PPP1R14C: variants seen among roughly 807,000 people sequenced by gnomAD.
PPP1R14C encodes protein phosphatase 1 regulatory inhibitor subunit 14C, also known as protein phosphatase 1 regulatory subunit 14C.
PPP1R14C carries 16 observed loss-of-function variants against 20.4 expected under a neutral mutation model. The ratio of observed to expected loss-of-function variants is 0.78; its 90% CI spans 0.53 to 1.19. The LOEUF (loss-of-function observed/expected upper bound fraction) is 1.19. Among genes scored for constraint, PPP1R14C ranks in the 50% most tolerant of loss-of-function variants. PPP1R14C has a pLI of 0.00. For synonymous variants in PPP1R14C, 91 were observed against 91.0 expected (o/e 1.00, Z 0.00); for missense variants, 211 against 220.1 (o/e 0.96, Z 0.26).
chr6:150,179,790 C>G (rs1777601322), intron 1 of PPP1R14C, among the ~76,000 whole-genome samples: 1 of 152,230 alleles, frequency 6.6e-6, no homozygotes, highest in Non-Finnish European at 1.5e-5. Flanking sequence ...TGAGTCCCAA[C>G]TCTGCCACAT....
intron 1 of PPP1R14C, among the ~76,000 whole-genome samples, chr6:150,187,245 C>G (rs1006989975): frequency 9.0e-6 from 1 of 110,856 alleles, no homozygotes; most frequent in Non-Finnish European, 1.9e-5. Context: ...CTTTCTCTTT[C>G]TCTGTGTGTG....
At chr6:150,195,097 G>T in intron 1 of PPP1R14C, 4 of 983,298 alleles carry the variant, frequency 4.1e-6, no homozygotes, top group Non-Finnish European at 4.8e-6. Flanking sequence ...TCAAGAGGAG[G>T]TTACTCATGC....
At chr6:150,243,472 C>T (rs1385577335) in intron 3 of PPP1R14C, among the ~76,000 whole-genome samples, 1 of 152,148 alleles carries the variant, frequency 6.6e-6, no homozygotes, top group African/African-American at 2.4e-5. Flanking sequence ...GCCACGGCAC[C>T]CAGCCCTAAA....
intron 1 of PPP1R14C, among the ~76,000 whole-genome samples, chr6:150,161,541 G>A (rs775689006): frequency 2.0e-5 from 3 of 152,018 alleles, no homozygotes; most frequent in Non-Finnish European, 4.4e-5. Context: ...CCCTTTCTTT[G>A]CCTGTCTTTA....
chr6:150,186,976 T>TA (rs762758810), intron 1 of PPP1R14C, among the ~76,000 whole-genome samples: 2 of 151,672 alleles, frequency 1.3e-5, no homozygotes, highest in Non-Finnish European at 2.9e-5. Flanking sequence ...ATGCTTGACT[T>TA]AGTCTTTTTT....
chr6:150,224,373 T>C (rs1778205568), intron 3 of PPP1R14C, among the ~76,000 whole-genome samples: 1 of 152,236 alleles, frequency 6.6e-6, no homozygotes, highest in African/African-American at 2.4e-5. Flanking sequence ...TTATTGATTT[T>C]ATCCACAGAA....
intron 3 of PPP1R14C, among the ~76,000 whole-genome samples, chr6:150,227,601 C>G (rs1309359127): frequency 6.6e-6 from 1 of 152,186 alleles, no homozygotes; most frequent in Non-Finnish European, 1.5e-5. Flanking sequence ...CCCTTTTCAT[C>G]TGGCTGTCAT....
At chr6:150,212,721 T>C (rs1778042596) in intron 1 of PPP1R14C, among the ~76,000 whole-genome samples, 1 of 152,210 alleles carries the variant, frequency 6.6e-6, no homozygotes, top group African/African-American at 2.4e-5. Context: ...AGTGGTCCCA[T>C]AAGATTATAA....
At chr6:150,234,848 CAAAAAAAAAAAAAAAA>C (rs56139981) in intron 3 of PPP1R14C, among the ~76,000 whole-genome samples, 2 of 41,832 alleles carry the variant, frequency 4.8e-5, no homozygotes, top group Non-Finnish European at 8.1e-5. Context: ...GACTCTGTCT[CAAAAAAAAAAAAAAAA>C]AAAAAAAAAA....
chr6:150,245,587 C>G (rs1444651723), intron 3 of PPP1R14C, among the ~76,000 whole-genome samples: 2 of 152,192 alleles, frequency 1.3e-5, no homozygotes, highest in Non-Finnish European at 2.9e-5. Context: ...TCTGTTAATT[C>G]GTCTTAACTC....
intron 3 of PPP1R14C, among the ~76,000 whole-genome samples, chr6:150,240,545 A>T (rs1489456732): frequency 6.6e-6 from 1 of 152,202 alleles, no homozygotes; most frequent in Non-Finnish European, 1.5e-5. Flanking sequence ...GATTGGTTGC[A>T]GAAGGTGACC....
chr6:150,144,034 A>G (rs1159759479), intron 1 of PPP1R14C, among the ~76,000 whole-genome samples: 2 of 152,232 alleles, frequency 1.3e-5, no homozygotes, highest in Non-Finnish European at 2.9e-5. Flanking sequence ...GAAAATCCTG[A>G]GATGGAACGC....
At chr6:150,221,505 T>C (rs1223912944) in intron 3 of PPP1R14C, among the ~76,000 whole-genome samples, 1 of 152,216 alleles carries the variant, frequency 6.6e-6, no homozygotes, top group Admixed American at 6.5e-5. Flanking sequence ...ATCAAAATTA[T>C]TTTACTTAAA....
Position 150,201,844 on chromosome 6 carries a change from T to C in PPP1R14C, c.307-12900T>C, listed in dbSNP as rs1445469795. Among the ~76,000 whole-genome samples the C allele has an allele frequency of 1.3e-5, 2 of 152,050 alleles. No individual in the cohort carries two copies. The highest frequency in any genetic ancestry group is 1.3e-4 in the Admixed American group (2 of 15,274). ...CGGTAAGCCATAGAATTGACAGTTATGGTGATGGATTGGATGGTGGCGACA... is the reference window on the plus strand; with the variant it reads ...CGGTAAGCCATAGAATTGACAGTTACGGTGATGGATTGGATGGTGGCGACA... On this transcript the variant is annotated intron_variant, in intron 1 of 3. Transcript: ENST00000361131. This position sits in a 1 kb window ranked among gnomAD's most constrained non-coding sequence, Gnocchi z 4.2.
At chr6:150,218,524 T>G (rs1457340909) in intron 3 of PPP1R14C, among the ~76,000 whole-genome samples, 4 of 133,130 alleles carry the variant, frequency 3.0e-5, no homozygotes, top group Non-Finnish European at 6.3e-5. Context: ...AAGGTAACAG[T>G]GACTTTCTCC....
In PPP1R14C at chr6:150,248,957, G is replaced by C; in HGVS notation, c.*137G>C. 1.9e-6 allele frequency: 1 copy of C among 516,746 alleles called. No homozygotes were observed. Among genetic ancestry groups the C allele is most frequent in the Non-Finnish European group, 3.4e-6 (1 of 295,272 alleles). 32.0% of individuals were successfully genotyped at this position (516,746 alleles called of 1,614,324 possible). ...TTTTTTTTTCTTTTTTGGTGTGAAGGTGGGGGGGTCTATTAGACATTTATT... is the reference window on the plus strand; with the variant it reads ...TTTTTTTTTCTTTTTTGGTGTGAAGCTGGGGGGGTCTATTAGACATTTATT... On this transcript the variant is annotated 3_prime_UTR_variant, in exon 4 of 4. Transcript: ENST00000361131.
chr6:150,219,281 T>C (rs1299034153), intron 3 of PPP1R14C, among the ~76,000 whole-genome samples: 1 of 152,022 alleles, frequency 6.6e-6, no homozygotes, highest in Admixed American at 6.6e-5. Context: ...TAGGCTGGAG[T>C]GCAGTGGTAC....
intron 1 of PPP1R14C, among the ~76,000 whole-genome samples, chr6:150,146,779 T>C (rs1398464852): frequency 2.0e-5 from 3 of 152,146 alleles, no homozygotes; most frequent in African/African-American, 7.2e-5. Flanking sequence ...GATCACAGAC[T>C]AAAACCAAGT....
At chr6:150,176,942 C>T (rs1777569420) in intron 1 of PPP1R14C, among the ~76,000 whole-genome samples, 1 of 152,202 alleles carries the variant, frequency 6.6e-6, no homozygotes, top group Non-Finnish European at 1.5e-5. Context: ...GGGCCGGTCC[C>T]ACCCTCCAGT....
Sources: allele counts gnomAD v4.1 joint callset (sites outside exome capture counted in the v4.1 genomes callset), GRCh38; gene constraint gnomAD v4.1.1; non-coding constraint Gnocchi (gnomAD v3.1); transcripts MANE v1.5; gene names NCBI Gene and HGNC (gene_info 2026-07-23, HGNC 2026-07-21).